TLN2: variants seen among roughly 807,000 people sequenced by gnomAD.
The protein encoded by TLN2 is talin 2.
TLN2 carries 118 observed loss-of-function variants against 294.7 expected under a neutral mutation model. That is an observed-to-expected ratio of 0.40 (90% CI 0.34 to 0.47). The LOEUF is 0.47. Among genes scored for constraint, TLN2 ranks in the 20% least tolerant of loss-of-function variants. TLN2 has a pLI of 0.84. For synonymous variants in TLN2, 1,431 were observed against 1,304.5 expected, an observed-to-expected ratio of 1.10 and a Z score of -2.09; for missense variants, 3,083 against 3,282.2, an observed-to-expected ratio of 0.94 and a Z score of 1.48.
intron 1 of TLN2, among the ~76,000 whole-genome samples, chr15:62,457,376 C>T (rs1450654732): frequency 6.6e-6 from 1 of 152,220 alleles, no homozygotes; most frequent in Non-Finnish European, 1.5e-5. Flanking sequence ...TAATTATCTC[C>T]CTAAGGCACC....
chr15:62,620,613 G>C (rs1040785438), intron 3 of TLN2, among the ~76,000 whole-genome samples: 13 of 151,810 alleles, frequency 8.6e-5, no homozygotes, highest in Non-Finnish European at 1.8e-4. Context: ...CTAATAGCGG[G>C]CACTACAGGA....
chr15:62,472,272 G>A (rs2037523547), intron 1 of TLN2, among the ~76,000 whole-genome samples: 1 of 152,064 alleles, frequency 6.6e-6, no homozygotes, highest in Non-Finnish European at 1.5e-5. Context: ...CCCAAACCCA[G>A]ATCACATGCT....
intron 1 of TLN2, among the ~76,000 whole-genome samples, chr15:62,545,581 G>C (rs1453186176): frequency 6.6e-6 from 1 of 150,848 alleles, no homozygotes; most frequent in Non-Finnish European, 1.5e-5. Context: ...TGGGTTTTGT[G>C]GCAGGGTTCC....
At chr15:62,725,209 T>C in intron 27 of TLN2, 105 bp downstream of exon 27, 1 of 1,450,496 alleles carries the variant, frequency 6.9e-7, no homozygotes, top group African/African-American at 1.4e-5. Flanking sequence ...GTTGAGAAGC[T>C]TCTAATCCTG....
At chr15:62,593,839 C>T (rs182133977) in intron 2 of TLN2, among the ~76,000 whole-genome samples, 5 of 152,246 alleles carry the variant, frequency 3.3e-5, no homozygotes, top group Non-Finnish European at 5.9e-5. Context: ...CATGTAAGGC[C>T]AGCTGCAGTG....
chr15:62,721,453 G>A lies in TLN2; in HGVS notation c.2992-900G>A, dbSNP rs536611270. Among the ~76,000 whole-genome samples the A allele has an allele frequency of 2.0e-5, 3 of 152,012 alleles. No homozygotes were observed. In the South Asian group the frequency reaches 6.2e-4, roughly 32 times the overall value. On this transcript the variant is annotated intron_variant, in intron 25 of 58. Transcript: ENST00000636159. ...ATAAGTTTCAGTTATTTTTTATTAT[G>A]CAAAATTATGTTTGTGCTTTTTATA...
intron 11 of TLN2, chr15:62,683,988 C>G (rs1398808628): frequency 1.3e-5 from 2 of 152,282 alleles, no homozygotes; most frequent in Non-Finnish European, 2.9e-5. Flanking sequence ...TTACCTTTCT[C>G]CAGCTGCTCT....
intron 16 of TLN2, among the ~76,000 whole-genome samples, chr15:62,700,565 C>G (rs2058651058): frequency 6.6e-6 from 1 of 152,072 alleles, no homozygotes; most frequent in African/African-American, 2.4e-5. Context: ...GGATCTCAAC[C>G]CATCCCCTCA....
intron 3 of TLN2, among the ~76,000 whole-genome samples, chr15:62,633,679 G>C (rs922261343): frequency 6.6e-6 from 1 of 152,148 alleles, no homozygotes; most frequent in Non-Finnish European, 1.5e-5. Context: ...TTGCTATTTT[G>C]TGTCAAAAGA....
chr15:62,622,115 T>C (rs1305940642), intron 3 of TLN2, among the ~76,000 whole-genome samples: 1 of 152,178 alleles, frequency 6.6e-6, no homozygotes, highest in Non-Finnish European at 1.5e-5. Flanking sequence ...AAGGGAAACA[T>C]TACCAGTTTG....
intron 9 of TLN2, among the ~76,000 whole-genome samples, chr15:62,667,407 G>C (rs1346246699): frequency 6.6e-6 from 1 of 152,092 alleles, no homozygotes; most frequent in African/African-American, 2.4e-5. Flanking sequence ...CAGGATCCTG[G>C]GTGTTCCAGC....
At chr15:62,651,239 C>T (rs2052554599) in intron 5 of TLN2, among the ~76,000 whole-genome samples, 1 of 152,176 alleles carries the variant, frequency 6.6e-6, no homozygotes, top group Admixed American at 6.5e-5. Flanking sequence ...TCATACTCTA[C>T]TTTCATTTCA....
At chr15:62,641,050 C>T (rs940427411) in intron 3 of TLN2, among the ~76,000 whole-genome samples, 8 of 151,858 alleles carry the variant, frequency 5.3e-5, no homozygotes, top group African/African-American at 1.7e-4. Context: ...AATCTACCCA[C>T]CTCAGCCTCC....
intron 1 of TLN2, among the ~76,000 whole-genome samples, chr15:62,493,589 C>T (rs572034333): frequency 2.0e-5 from 3 of 152,022 alleles, no homozygotes; most frequent in African/African-American, 7.2e-5. Context: ...AGGAAGCTGG[C>T]CCAACACCAT....
Position 62,589,759 on chromosome 15 carries a change from T to A in TLN2, c.-165T>A, listed in dbSNP as rs2045937381. ...ACGCTCTTAATAGAAACTGAGAATT[T>A]AAGGTAAGTCCTTTCGCAAAGATAC... On this transcript the variant is annotated 5_prime_UTR_variant, in exon 2 of 59. Transcript: ENST00000636159. 6.6e-6 allele frequency: 1 copy of A among 152,226 alleles called. No homozygotes were observed. The highest frequency in any genetic ancestry group is 1.5e-5 in the Non-Finnish European group (1 of 68,038). 9.4% of individuals were successfully genotyped at this position (152,226 alleles called of 1,614,324 possible). A position where few individuals can be genotyped will look rare whatever the true frequency, so the allele number is the denominator to read the frequency against.
At chr15:62,582,195 TACACACACAC>T (rs67748452) in intron 1 of TLN2, among the ~76,000 whole-genome samples, 1,632 of 66,468 alleles carry the variant, frequency 0.025, 29 homozygotes, top group Admixed American at 0.035. Context: ...TGTGTATGCA[TACACACACAC>T]ACACACACAC....
At chr15:62,595,679 G>A (rs1337039490) in intron 2 of TLN2, among the ~76,000 whole-genome samples, 1 of 152,180 alleles carries the variant, frequency 6.6e-6, no homozygotes, top group Non-Finnish European at 1.5e-5. Context: ...ATCATTGGAT[G>A]AATAGATAAA....
At chr15:62,752,472 C>T (rs1555499035) in intron 35 of TLN2, 45 bp downstream of exon 35, 2 of 1,602,288 alleles carry the variant, frequency 1.2e-6, no homozygotes, top group South Asian at 1.1e-5. Flanking sequence ...GTGCCAGATC[C>T]CTGTGGGAGG....
At chr15:62,631,172 G>C (rs918801247) in intron 3 of TLN2, among the ~76,000 whole-genome samples, 11 of 151,954 alleles carry the variant, frequency 7.2e-5, no homozygotes, top group African/African-American at 2.7e-4. Flanking sequence ...TACCTCCCAG[G>C]TTGCAGTCTC....
Sources: gnomAD v4.1 joint callset for allele counts (sites outside exome capture counted in the v4.1 genomes callset) on GRCh38, gnomAD v4.1.1 for gene constraint, MANE v1.5 for transcripts, NCBI Gene and HGNC (gene_info 2026-07-23, HGNC 2026-07-21) for gene names.